SLC27A4: variants seen among roughly 807,000 people sequenced by gnomAD.
SLC27A4 encodes the protein solute carrier family 27 member 4.
In SLC27A4, 33 loss-of-function variants were observed where a neutral mutation model predicts 64.4. The observed-to-expected ratio is 0.51, with a 90% CI of 0.39 to 0.68. The LOEUF (loss-of-function observed/expected upper bound fraction) is 0.68. Among genes scored for constraint, SLC27A4 ranks in the 30% least tolerant of loss-of-function variants. SLC27A4 has a pLI of 0.00. For missense variants in SLC27A4, 824 were observed against 883.5 expected (o/e 0.93, Z 0.85); for synonymous variants, 377 against 370.0 (o/e 1.02, Z -0.22).
At chr9:128,357,217 G>A (rs979254383) in intron 12 of SLC27A4, among the ~76,000 whole-genome samples, 8 of 146,974 alleles carry the variant, frequency 5.4e-5, no homozygotes, top group African/African-American at 7.6e-5. Context: ...AACCGAGACC[G>A]TGCCACTGCA....
At chr9:128,351,733 T>G (rs925215139) in intron 6 of SLC27A4, among the ~76,000 whole-genome samples, 1 of 151,902 alleles carries the variant, frequency 6.6e-6, no homozygotes, top group Non-Finnish European at 1.5e-5. Context: ...AATAAATAAA[T>G]TAATTTAATT....
chr9:128,349,686 G>C (rs993200826), intron 4 of SLC27A4, among the ~76,000 whole-genome samples: 2 of 152,178 alleles, frequency 1.3e-5, no homozygotes, highest in African/African-American at 2.4e-5. Context: ...TAAACACGTG[G>C]AGTCTGCCTG....
Position 128,355,386 on chromosome 9 carries a change from G to T in SLC27A4, c.1463-12G>T, listed in dbSNP as rs1175670323. On this transcript the variant is annotated splice_polypyrimidine_tract_variant and intron_variant, in intron 10 of 12. Coordinates refer to ENST00000300456, the MANE Select transcript of SLC27A4 (RefSeq NM_005094.4). Reference sequence around the variant, plus strand: ...GCCAGGCCCAGCCCTGCCTCATCCGGCCCCTCCCTAGGTGATGTGCTGGTG... The same window carrying T: ...GCCAGGCCCAGCCCTGCCTCATCCGTCCCCTCCCTAGGTGATGTGCTGGTG... 1 of 1,613,366 alleles carries T rather than the reference G, an allele frequency of 6.2e-7. No individual in the cohort carries two copies. Among genetic ancestry groups the T allele is most frequent in the African/African-American group, 1.3e-5 (1 of 75,032 alleles).
Position 128,345,361 on chromosome 9 carries a change from T to A in SLC27A4, c.368T>A (p.Leu123Gln). 1 of 1,613,732 alleles carries A rather than the reference T, an allele frequency of 6.2e-7. No individual in the cohort carries two copies. Among genetic ancestry groups the A allele is most frequent in the Non-Finnish European group, 8.5e-7 (1 of 1,179,996 alleles). Residue 123 changes from leucine to glutamine, a missense_variant, in exon 3 of 13, where the codon CTG (leucine) becomes CAG (glutamine). Leu to Gln is a moderately radical substitution (Grantham distance 113). Transcript: ENST00000300456. This position sits in a 1 kb window ranked among gnomAD's most constrained non-coding sequence, Gnocchi z 4.1. ...GCCAACTTCCTGCAGGCCCGGGGCC[T>A]GGCCTCGGGCGATGTGGCTGCCATC... The part of the protein sequence containing the change: ...SVANFLQARG[L>Q]ASGDVAAIFM...
At chr9:128,355,024 C>T in intron 9 of SLC27A4, 29 bp from the exon 10 acceptor site, 1 of 1,603,620 alleles carries the variant, frequency 6.2e-7, no homozygotes, top group Non-Finnish European at 8.5e-7. Flanking sequence ...CTGCCTAGGG[C>T]AGATCTGACC....
intron 12 of SLC27A4, among the ~76,000 whole-genome samples, chr9:128,357,258 T>A (rs1832834157): frequency 8.3e-6 from 1 of 120,072 alleles, no homozygotes; most frequent in African/African-American, 3.4e-5. Context: ...TGAGACTCTG[T>A]CTCAAAAAAA....
intron 12 of SLC27A4, 118 bp from the exon 13 acceptor site, chr9:128,360,216 C>A (rs1832877310): frequency 7.8e-6 from 9 of 1,151,828 alleles, no homozygotes; most frequent in East Asian, 2.3e-5. Flanking sequence ...CCTCCTCCCC[C>A]ACTTCCCTCC....
rs1163681181 is a variant in SLC27A4, at chr9:128,353,018, C to T, written c.988-7C>T. The T allele has an allele frequency of 2.5e-6, 4 of 1,611,128 alleles. No individual in the cohort carries two copies. Among genetic ancestry groups the T allele is most frequent in the East Asian group, 2.2e-5 (1 of 44,758 alleles). On this transcript the variant is annotated splice_polypyrimidine_tract_variant and splice_region_variant and intron_variant, in intron 7 of 12. Coordinates refer to ENST00000300456, the MANE Select transcript of SLC27A4 (RefSeq NM_005094.4). The surrounding 1 kb of genome is among the most constrained non-coding windows in gnomAD (Gnocchi z 4.9). Reference sequence around the variant, plus strand: ...GGAGCCTCGAATCACACCAAGTTCACCCCCAGATTGTGCAGTACATTGGTG... The same window carrying T: ...GGAGCCTCGAATCACACCAAGTTCATCCCCAGATTGTGCAGTACATTGGTG...
In SLC27A4 at chr9:128,348,565, A is replaced by G. The variant is rs1832690345; in HGVS notation, c.577A>G (p.Ser193Gly). ...MASAICEVHASLDPSLSLFCS... is the reference protein window; with the variant it reads ...MASAICEVHAGLDPSLSLFCS... ...CACAGCCATCTGTGAGGTCCATGCC[A>G]GCCTGGACCCCTCGCTCAGCCTCTT... Residue 193 changes from serine to glycine, a missense_variant, in exon 4 of 13, where the codon AGC becomes GGC. Transcript: ENST00000300456. The G allele has an allele frequency of 6.2e-7, 1 of 1,613,308 alleles. No individual in the cohort carries two copies. The highest frequency in any genetic ancestry group is 8.5e-7 in the Non-Finnish European group (1 of 1,180,020).
chr9:128,356,456 G>T (rs932990632), intron 12 of SLC27A4, among the ~76,000 whole-genome samples: 1 of 152,258 alleles, frequency 6.6e-6, no homozygotes, highest in Non-Finnish European at 1.5e-5. Flanking sequence ...GGGCCTTGCA[G>T]GCCAGGGTAA....
rs777446120 is a variant in SLC27A4 at position 128,360,378 on chromosome 9, G to A, written c.1819G>A (p.Asp607Asn). The A allele has an allele frequency of 3.1e-5, 50 of 1,614,048 alleles. No individual in the cohort carries two copies. The highest frequency in any genetic ancestry group is 3.2e-5 in the Non-Finnish European group (38 of 1,180,030). The stretch of plus-strand genomic sequence containing the variant: ...GACAGAGCTACGGAAGGAGGGCTTT[G>A]ACCCGGCTATTGTGAAAGACCCGCT... Reference protein sequence around the residue: ...QKTELRKEGFDPAIVKDPLFY... With the variant: ...QKTELRKEGFNPAIVKDPLFY... Residue 607 changes from aspartate (D) to asparagine (N), a missense_variant, in exon 13 of 13, where the codon GAC becomes AAC. By Grantham distance (23) the Asp-to-Asn change is conservative. Transcript: ENST00000300456.
In SLC27A4 at chr9:128,345,444, G is replaced by T; in HGVS notation, c.451G>T (p.Val151Leu). 3 of 1,613,524 alleles carry T rather than the reference G, an allele frequency of 1.9e-6. No homozygotes were observed. Among genetic ancestry groups the T allele is most frequent in the East Asian group, 2.2e-5 (1 of 44,888 alleles). ...ATGGCTGGGCATGGCCAAGCTCGGT[G>T]TGGAGGCAGCCCTCATCAACACCAA... The part of the protein sequence containing the change: ...GLWLGMAKLG[V>L]EAALINTNLR... Residue 151 changes from valine (V) to leucine (L), a missense_variant, in exon 3 of 13, where the codon GTG becomes TTG. Coordinates refer to ENST00000300456, the MANE Select transcript of SLC27A4 (RefSeq NM_005094.4). The surrounding 1 kb of genome is among the most constrained non-coding windows in gnomAD (Gnocchi z 4.1).
chr9:128,343,316 C>T (rs1294988429), intron 2 of SLC27A4, 23 bp downstream of exon 2: 1 of 1,614,004 alleles, frequency 6.2e-7, no homozygotes, highest in South Asian at 1.1e-5. Flanking sequence ...CCCAGCCTTT[C>T]CTGGGGTCTG....
Position 128,350,334 on chromosome 9 carries a change from A to C in SLC27A4, c.738A>C (p.Thr246=), listed in dbSNP as rs747557571. 1 of 1,613,214 alleles carries C rather than the reference A, an allele frequency of 6.2e-7. No homozygotes were observed. The highest frequency in any genetic ancestry group is 8.5e-7 in the Non-Finnish European group (1 of 1,180,020). ...TAGATAAACTGTTCTACATCTACAC[A>C]TCCGGCACCACAGGGCTGCCCAAGG... ...GFTDKLFYIY[T]SGTTGLPKAA... The change falls in exon 5 of 13, where the codon ACA becomes ACC. Residue 246 remains threonine (T), a synonymous_variant. Coordinates refer to ENST00000300456, the MANE Select transcript of SLC27A4 (RefSeq NM_005094.4).
Position 128,345,632 on chromosome 9 carries a change from C to T in SLC27A4, c.556+83C>T. On this transcript the variant is annotated intron_variant, in intron 3 of 12. Coordinates refer to ENST00000300456, the MANE Select transcript of SLC27A4 (RefSeq NM_005094.4). This position sits in a 1 kb window ranked among gnomAD's most constrained non-coding sequence, Gnocchi z 4.1. ...CAGCTCCCTTCCAGCCCTGCCAAGG[C>T]TGTGTGGGTCAGTGGTTAAGGGCAC... is the stretch of plus-strand genomic sequence containing the variant. 2 of 1,454,306 alleles carry T rather than the reference C, an allele frequency of 1.4e-6. No homozygotes were observed. Among genetic ancestry groups the T allele is most frequent in the Middle Eastern group, 2.5e-4 (1 of 4,016 alleles). 90.1% of individuals were successfully genotyped at this position (1,454,306 alleles called of 1,614,324 possible). A position where few individuals can be genotyped will look rare whatever the true frequency, so the allele number is the denominator to read the frequency against.
intron 12 of SLC27A4, among the ~76,000 whole-genome samples, chr9:128,358,171 A>C (rs1468566895): frequency 6.6e-6 from 1 of 152,142 alleles, no homozygotes; most frequent in East Asian, 1.9e-4. Context: ...TCTTCTATTG[A>C]CCTTGCTTTG....
Position 128,356,521 on chromosome 9 carries a change from C to T in SLC27A4, c.1774+725C>T, listed in dbSNP as rs185022532. ...AGCCACAGAAGCATCTCAGCAAGGC[C>T]GGGCGCAGTGGCTCATGCCTGTAAT... On this transcript the variant is annotated intron_variant, in intron 12 of 12. Coordinates refer to ENST00000300456, the MANE Select transcript of SLC27A4 (RefSeq NM_005094.4). 2.4e-4 allele frequency among the ~76,000 whole-genome samples: 37 copies of T among 152,324 alleles called. No individual in the cohort carries two copies. The East Asian group carries it at 5.8e-3, about 24-fold the overall frequency.
intron 12 of SLC27A4, 112 bp from the exon 13 acceptor site, chr9:128,360,222 C>T: frequency 8.3e-7 from 1 of 1,210,220 alleles, no homozygotes. Context: ...CCCCCACTTC[C>T]CTCCCCTGTT....
chr9:128,355,481 G>C lies in SLC27A4; in HGVS notation c.1546G>C (p.Val516Leu), dbSNP rs750837144. Reference protein sequence around the residue: ...GDTFRWKGENVSTTEVEGTLS... With the variant: ...GDTFRWKGENLSTTEVEGTLS... ...CACGTTCCGCTGGAAAGGTGAGAAC[G>C]TGTCCACCACCGAGGTGGAAGGCAC... Residue 516 changes from valine to leucine, a missense_variant, in exon 11 of 13, where the codon GTG becomes CTG. Physicochemically the swap from Val to Leu is conservative, Grantham distance 32. Coordinates refer to ENST00000300456, the MANE Select transcript of SLC27A4 (RefSeq NM_005094.4). 1 of 1,613,308 alleles carries C rather than the reference G, an allele frequency of 6.2e-7. No homozygotes were observed. The highest frequency in any genetic ancestry group is 1.7e-5 in the Admixed American group (1 of 60,024).
Sources: gnomAD v4.1 joint callset for allele counts (sites outside exome capture counted in the v4.1 genomes callset) on GRCh38, gnomAD v4.1.1 for gene constraint, Gnocchi (gnomAD v3.1) non-coding constraint, MANE v1.5 for transcripts, NCBI Gene and HGNC (gene_info 2026-07-23, HGNC 2026-07-21) for gene names.